Variants in TLN2 observed in about 807,000 individuals in gnomAD.
TLN2 encodes the protein talin-2.
In TLN2, 118 loss-of-function variants were observed where a neutral mutation model predicts 294.7. The observed-to-expected ratio is 0.40, with a 90% CI of 0.34 to 0.47. TLN2 has a LOEUF of 0.47. TLN2 is among the 20% of genes least tolerant of loss of function. TLN2 has a pLI of 0.84. For synonymous variants in TLN2, 1,431 were observed against 1,304.5 expected, an observed-to-expected ratio of 1.10 and a Z score of -2.09; for missense variants, 3,083 against 3,282.2, an observed-to-expected ratio of 0.94 and a Z score of 1.48.
intron 2 of TLN2, among the ~76,000 whole-genome samples, chr15:62,598,406 G>A (rs1035460360): frequency 1.3e-5 from 2 of 152,058 alleles, no homozygotes; most frequent in Non-Finnish European, 1.5e-5. Context: ...GCTCTGCCTC[G>A]TTCCCAGCCT....
chr15:62,708,453 G>A (rs1308262414), intron 20 of TLN2, 49 bp from the exon 21 acceptor site: 2 of 1,586,414 alleles, frequency 1.3e-6, no homozygotes, highest in African/African-American at 1.3e-5. Context: ...CATGGAGAGG[G>A]ACCAGGATTC....
At chr15:62,757,856 T>C (rs1194819868) in intron 37 of TLN2, among the ~76,000 whole-genome samples, 1 of 152,176 alleles carries the variant, frequency 6.6e-6, no homozygotes, top group Non-Finnish European at 1.5e-5. Flanking sequence ...ATTCCCATCA[T>C]GTGGCAGGGT....
intron 1 of TLN2, among the ~76,000 whole-genome samples, chr15:62,562,232 A>G (rs1457440768): frequency 1.3e-5 from 2 of 152,196 alleles, no homozygotes; most frequent in African/African-American, 2.4e-5. Context: ...AAGATTTTTT[A>G]TACCATTTTG....
chr15:62,418,929 T>A (rs1250469213), intron 1 of TLN2, among the ~76,000 whole-genome samples: 1 of 152,220 alleles, frequency 6.6e-6, no homozygotes, highest in Non-Finnish European at 1.5e-5. Flanking sequence ...GATGTATATA[T>A]GCAGGTCACT....
intron 21 of TLN2, 139 bp from the exon 22 acceptor site, chr15:62,711,772 C>T (rs888329873): frequency 1.1e-6 from 1 of 908,224 alleles, no homozygotes. Context: ...GGATGCATGG[C>T]TTAGGACTAG....
Position 62,725,120 on chromosome 15 carries a change from C to T in TLN2, c.3255+16C>T. ...AGGGGAAACGGTGAGCTGTTAGAGC[C>T]AGCTGGGGTGCGGGTGTACCTTTTG... On this transcript the variant is annotated intron_variant, in intron 27 of 58. Coordinates refer to ENST00000636159, the MANE Select transcript of TLN2 (RefSeq NM_015059.3). 6.2e-7 allele frequency: 1 copy of T among 1,602,476 alleles called. No homozygotes were observed. The highest frequency in any genetic ancestry group is 1.1e-5 in the South Asian group (1 of 90,020).
rs752639389 is a variant in TLN2 at position 62,529,094 on chromosome 15, CTT to C, written c.-237-60583_-237-60582del. Among the ~76,000 whole-genome samples, 11 of 138,830 alleles carry C rather than the reference CTT, an allele frequency of 7.9e-5. 1 individual carries two copies. Among genetic ancestry groups the C allele is most frequent in the African/African-American group, 2.9e-4 (10 of 33,934 alleles). The allele number at this position is 138,830 out of a possible 152,430, so 91.1% of individuals were successfully genotyped here. On this transcript the variant is annotated intron_variant, in intron 1 of 58. Transcript: ENST00000636159. Reference sequence around the variant, plus strand: ...TGAGGCTAAAGTAACATTTACAGGGCTTTTTTTTTTTGTGTGTGTGTGACAGC... The same window carrying C: ...TGAGGCTAAAGTAACATTTACAGGGCTTTTTTTTTGTGTGTGTGTGACAGC...
In TLN2 at chr15:62,621,661, A is replaced by C. The variant is rs1180009838; in HGVS notation, c.-37+3186A>C. Among the ~76,000 whole-genome samples, 3 of 152,230 alleles carry C rather than the reference A, an allele frequency of 2.0e-5. No homozygotes were observed. In the East Asian group the frequency reaches 5.8e-4, roughly 29 times the overall value. ...TTGAGAAATGTTACTGAGCTCCTGCAGTCTTGCACTTCAATGTGATGTTAT... is the reference window on the plus strand; with the variant it reads ...TTGAGAAATGTTACTGAGCTCCTGCCGTCTTGCACTTCAATGTGATGTTAT... On this transcript the variant is annotated intron_variant, in intron 3 of 58. Coordinates refer to ENST00000636159, the MANE Select transcript of TLN2 (RefSeq NM_015059.3).
At chr15:62,805,481 A>G (rs2066215532) in intron 50 of TLN2, 119 bp from the exon 51 acceptor site, 6 of 1,069,180 alleles carry the variant, frequency 5.6e-6, no homozygotes, top group East Asian at 2.6e-5. Flanking sequence ...GCCATGTGAC[A>G]GTTTCTTCCA....
intron 1 of TLN2, among the ~76,000 whole-genome samples, chr15:62,407,305 G>A (rs921299473): frequency 6.6e-6 from 1 of 152,126 alleles, no homozygotes; most frequent in Non-Finnish European, 1.5e-5. Flanking sequence ...TTTGACTGAA[G>A]CTCAGATCTC....
chr15:62,799,032 T>A, intron 48 of TLN2, among the ~76,000 whole-genome samples: 1 of 152,296 alleles, frequency 6.6e-6, no homozygotes, highest in East Asian at 1.9e-4. Flanking sequence ...TAATACGTTG[T>A]CACATCTGAG....
chr15:62,441,883 G>A (rs2035563304), intron 1 of TLN2, among the ~76,000 whole-genome samples: 1 of 152,072 alleles, frequency 6.6e-6, no homozygotes, highest in Non-Finnish European at 1.5e-5. Context: ...CGGGTGGTGT[G>A]CCCCCCTAGA....
At chr15:62,712,544 A>C (rs150824100) in intron 22 of TLN2, among the ~76,000 whole-genome samples, 411 of 108,476 alleles carry the variant, frequency 3.8e-3, no homozygotes, top group Non-Finnish European at 5.8e-3. Context: ...ATATTATAAA[A>C]TGATGAGGAG....
At chr15:62,788,088 A>G (rs2064821764) in intron 45 of TLN2, among the ~76,000 whole-genome samples, 1 of 149,888 alleles carries the variant, frequency 6.7e-6, no homozygotes, top group South Asian at 2.2e-4. Context: ...AGATGAGTGG[A>G]TCACTTGAGG....
intron 41 of TLN2, among the ~76,000 whole-genome samples, chr15:62,770,703 T>C (rs938981): frequency 0.61 from 92,240 of 152,038 alleles, 29,010 homozygotes; most frequent in Non-Finnish European, 0.69. Context: ...AATTCAATTC[T>C]CATATCTAAC....
At chr15:62,576,469 C>T (rs902134098) in intron 1 of TLN2, among the ~76,000 whole-genome samples, 1 of 151,976 alleles carries the variant, frequency 6.6e-6, no homozygotes, top group Admixed American at 6.6e-5. Context: ...TATTTTTTAG[C>T]AGGTGAGTTG....
At chr15:62,444,851 T>C (rs2035737770) in intron 1 of TLN2, among the ~76,000 whole-genome samples, 2 of 152,232 alleles carry the variant, frequency 1.3e-5, no homozygotes, top group Admixed American at 1.3e-4. Context: ...TGTTGGATGC[T>C]GACAAAGGCA....
chr15:62,464,072 T>A (rs905364397), intron 1 of TLN2, among the ~76,000 whole-genome samples: 2 of 152,236 alleles, frequency 1.3e-5, no homozygotes, highest in African/African-American at 4.8e-5. Context: ...ATCCCATCAC[T>A]GGGTATATGC....
At chr15:62,594,954 A>G (rs186321027) in intron 2 of TLN2, among the ~76,000 whole-genome samples, 2 of 152,338 alleles carry the variant, frequency 1.3e-5, no homozygotes, top group African/African-American at 2.4e-5. Flanking sequence ...AATAGTAAGA[A>G]AACAACCCTA....
Sources: gnomAD v4.1 joint callset for allele counts (sites outside exome capture counted in the v4.1 genomes callset) on GRCh38, gnomAD v4.1.1 for gene constraint, MANE v1.5 for transcripts, NCBI Gene and HGNC (gene_info 2026-07-23, HGNC 2026-07-21) for gene names.